The following VPS45 variants were observed in gnomAD, a reference collection of about 807,000 sequenced individuals.
The protein encoded by VPS45 is vacuolar protein sorting-associated protein 45.
VPS45 carries 35 observed loss-of-function variants against 75.9 expected under a neutral mutation model. The ratio of observed to expected loss-of-function variants is 0.46; its 90% confidence interval spans 0.35 to 0.61. The LOEUF is 0.61. Among genes scored for constraint, VPS45 ranks in the 20% least tolerant of loss-of-function variants. The pLI is 0.00. For synonymous variants in VPS45, 220 were observed against 238.2 expected, an observed-to-expected ratio of 0.92 and a Z score of 0.70; for missense variants, 559 against 685.9, an observed-to-expected ratio of 0.81 and a Z score of 2.07.
chr1:150,095,342 G>A (rs923782139), intron 13 of VPS45, among the ~76,000 whole-genome samples: 1 of 152,146 alleles, frequency 6.6e-6, no homozygotes, highest in African/African-American at 2.4e-5. Flanking sequence ...GACCAGACAC[G>A]GTGGCTCACG....
intron 14 of VPS45, among the ~76,000 whole-genome samples, chr1:150,133,761 G>A (rs1341288202): frequency 2.0e-5 from 3 of 152,112 alleles, no homozygotes; most frequent in Non-Finnish European, 4.4e-5. Context: ...TTTCAGATAT[G>A]TTCTCAGATG....
chr1:150,106,412 C>T (rs587628518), intron 13 of VPS45, among the ~76,000 whole-genome samples: 12 of 152,148 alleles, frequency 7.9e-5, no homozygotes, highest in East Asian at 3.9e-4. Context: ...ACTGGGCAAA[C>T]GACATGAAAA....
At chr1:150,097,926 C>T (rs2101580248) in intron 13 of VPS45, among the ~76,000 whole-genome samples, 1 of 152,208 alleles carries the variant, frequency 6.6e-6, no homozygotes, top group South Asian at 2.1e-4. Flanking sequence ...GATTTCAGCT[C>T]ACTGCAGCCT....
chr1:150,089,776 A>G (rs1656231162), intron 10 of VPS45, among the ~76,000 whole-genome samples: 1 of 152,154 alleles, frequency 6.6e-6, no homozygotes, highest in Admixed American at 6.5e-5. Context: ...TTGAACAGAT[A>G]CCCTAAATGG....
At position 150,081,487 on chromosome 1, in the gene VPS45, T is replaced by G; in HGVS notation, c.822+11T>G. On this transcript the variant is annotated intron_variant, in intron 8 of 14. Coordinates refer to ENST00000644510, the MANE Select transcript of VPS45 (RefSeq NM_007259.5). Reference sequence around the variant, plus strand: ...GAATTCTATGCTAATGTAGGTGGTTTAAATTTTTTTAAATTGTCTTTAGTT... The same window carrying G: ...GAATTCTATGCTAATGTAGGTGGTTGAAATTTTTTTAAATTGTCTTTAGTT... The G allele has an allele frequency of 1.3e-6, 2 of 1,592,696 alleles. No homozygotes were observed. The highest frequency in any genetic ancestry group is 1.7e-6 in the Non-Finnish European group (2 of 1,174,814).
chr1:150,077,614 C>A, intron 6 of VPS45, 55 bp from the exon 7 acceptor site: 1 of 1,211,066 alleles, frequency 8.3e-7, no homozygotes, highest in Non-Finnish European at 1.2e-6. Context: ...CTATTTATAT[C>A]ATTTCTATAT....
chr1:150,120,746 T>G (rs115755471), intron 14 of VPS45, among the ~76,000 whole-genome samples: 19 of 152,328 alleles, frequency 1.2e-4, no homozygotes, highest in African/African-American at 4.6e-4. Flanking sequence ...CTGCTCTGAT[T>G]AGCTGTAATT....
chr1:150,097,490 G>A (rs1184222826), intron 13 of VPS45, among the ~76,000 whole-genome samples: 1 of 151,640 alleles, frequency 6.6e-6, no homozygotes, highest in Admixed American at 6.6e-5. Context: ...GAGGCCGAGC[G>A]GGCAGATTCT....
At chr1:150,117,160 C>T (rs1210976039) in intron 14 of VPS45, among the ~76,000 whole-genome samples, 1 of 151,012 alleles carries the variant, frequency 6.6e-6, no homozygotes, top group Non-Finnish European at 1.5e-5. Flanking sequence ...GAGACTGTGC[C>T]ACTGCACTCC....
chr1:150,074,061 C>G (rs112287706), intron 3 of VPS45, among the ~76,000 whole-genome samples: 15,752 of 148,640 alleles, frequency 0.11, 1,177 homozygotes, highest in Non-Finnish European at 0.16. Flanking sequence ...GTCACCCAGG[C>G]TGGAGTGCAG....
At chr1:150,085,452 A>G (rs1655953716) in intron 10 of VPS45, among the ~76,000 whole-genome samples, 1 of 152,074 alleles carries the variant, frequency 6.6e-6, no homozygotes, top group African/African-American at 2.4e-5. Context: ...TCCACTTTTT[A>G]TTTTTAGAAC....
chr1:150,109,837 C>G lies in VPS45; in HGVS notation c.1494-659C>G, dbSNP rs782688531. 2.0e-5 allele frequency: 3 copies of G among 152,278 alleles called. No homozygotes were observed. The East Asian group carries it at 5.8e-4, about 29-fold the overall frequency. The allele number at this position is 152,278 out of a possible 1,614,324, so 9.4% of individuals were successfully genotyped here. On this transcript the variant is annotated intron_variant, in intron 13 of 14. Transcript: ENST00000644510. ...GCTGTGTTCGCATGTCCAGTATCAGCTACACTCATGGTTTTTTTGGTTTCC... is the reference window on the plus strand; with the variant it reads ...GCTGTGTTCGCATGTCCAGTATCAGGTACACTCATGGTTTTTTTGGTTTCC...
intron 14 of VPS45, among the ~76,000 whole-genome samples, chr1:150,117,169 C>G (rs1657981982): frequency 6.6e-6 from 1 of 150,774 alleles, no homozygotes; most frequent in African/African-American, 2.4e-5. Context: ...CCACTGCACT[C>G]CAGCCTGGGC....
chr1:150,129,430 T>C (rs1658695833), intron 14 of VPS45, among the ~76,000 whole-genome samples: 1 of 152,124 alleles, frequency 6.6e-6, no homozygotes, highest in South Asian at 2.1e-4. Context: ...ACAAAATCAA[T>C]ATATAATTCC....
chr1:150,067,989 C>G, intron 1 of VPS45, 39 bp downstream of exon 1: 1 of 1,574,368 alleles, frequency 6.4e-7, no homozygotes, highest in Non-Finnish European at 8.7e-7. Flanking sequence ...AAGGAACCCT[C>G]TCAACCTTAC....
chr1:150,093,544 T>C lies in VPS45; in HGVS notation c.1389T>C (p.Tyr463=). The change falls in exon 13 of 15, where the codon TAT becomes TAC. Residue 463 remains tyrosine, a synonymous_variant. Coordinates refer to ENST00000644510, the MANE Select transcript of VPS45 (RefSeq NM_007259.5). Reference sequence around the variant, plus strand: ...TGTTTTAGGGAGTAGAAAATGTATATACACAGCATCAACCTTTCCTACATG... The same window carrying C: ...TGTTTTAGGGAGTAGAAAATGTATACACACAGCATCAACCTTTCCTACATG... ...LKGLKGVENV[Y]TQHQPFLHET... is the part of the protein sequence containing the mutation. The C allele has an allele frequency of 6.2e-7, 1 of 1,613,858 alleles. No homozygotes were observed. The highest frequency in any genetic ancestry group is 8.5e-7 in the Non-Finnish European group (1 of 1,179,894).
rs782495394 is a variant in VPS45 at position 150,081,340 on chromosome 1, A to G, written c.688-2A>G. 6.3e-7 allele frequency: 1 copy of G among 1,586,888 alleles called. No homozygotes were observed. Among genetic ancestry groups the G allele is most frequent in the Non-Finnish European group, 8.5e-7 (1 of 1,171,756 alleles). ...CTTTTTTTTTCATAATTCTTTATTT[A>G]GTGGACATATCAGGCCATGGTCCAC... On this transcript the variant is annotated splice_acceptor_variant, in intron 7 of 14. Coordinates refer to ENST00000644510, the MANE Select transcript of VPS45 (RefSeq NM_007259.5). LOFTEE classifies it high-confidence loss of function.
chr1:150,144,737 C>T lies in VPS45; in HGVS notation c.1654C>T (p.Leu552=). ...SFLEEVLASG[L]HSRSKESSQV... is the part of the protein sequence containing the mutation. ...CCTAGAGGAAGTTCTGGCTTCTGGA[C>T]TGCACAGCCGAAGCAAGGAGAGCTC... The change falls in exon 15 of 15, where the codon CTG becomes TTG. Residue 552 remains leucine, a synonymous_variant. Coordinates refer to ENST00000644510, the MANE Select transcript of VPS45 (RefSeq NM_007259.5). 1 of 1,614,162 alleles carries T rather than the reference C, an allele frequency of 6.2e-7. No homozygotes were observed. Among genetic ancestry groups the T allele is most frequent in the Non-Finnish European group, 8.5e-7 (1 of 1,180,008 alleles).
chr1:150,122,504 G>A (rs1241614800), intron 14 of VPS45, among the ~76,000 whole-genome samples: 1 of 151,944 alleles, frequency 6.6e-6, no homozygotes, highest in African/African-American at 2.4e-5. Context: ...TCAATACCTG[G>A]GGCTGTTCCT....
Sources: gnomAD v4.1 joint callset for allele counts (sites outside exome capture counted in the v4.1 genomes callset) on GRCh38, gnomAD v4.1.1 for gene constraint, MANE v1.5 for transcripts, NCBI Gene and HGNC (gene_info 2026-07-23, HGNC 2026-07-21) for gene names.